Variants in AHCYL2 observed in about 807,000 individuals in gnomAD.
AHCYL2 encodes adenosylhomocysteinase like 2, also known as S-adenosylhomocysteine hydrolase-like protein 2.
Under a neutral mutation model 81.4 loss-of-function variants are expected in AHCYL2, and 28 were observed. The observed-to-expected ratio is 0.34, with a 90% CI of 0.25 to 0.47. The LOEUF is 0.47. Ranked by LOEUF, AHCYL2 falls within the 20% of genes least tolerant of loss-of-function variation. AHCYL2 has a pLI of 1.00. For missense variants in AHCYL2, 551 were observed against 785.1 expected (o/e 0.70, Z 3.56); for synonymous variants, 272 against 290.2 (o/e 0.94, Z 0.64).
intron 1 of AHCYL2, among the ~76,000 whole-genome samples, chr7:129,269,223 A>G (rs1054638845): frequency 1.3e-5 from 2 of 150,720 alleles, no homozygotes; most frequent in Non-Finnish European, 2.9e-5. Flanking sequence ...CCCAGGCTCA[A>G]GCCATCCTCC....
intron 1 of AHCYL2, among the ~76,000 whole-genome samples, chr7:129,248,012 A>G (rs1584702223): frequency 6.6e-6 from 1 of 152,164 alleles, no homozygotes; most frequent in East Asian, 1.9e-4. Context: ...TTTTGCATTT[A>G]GATTTTTGGG....
intron 1 of AHCYL2, among the ~76,000 whole-genome samples, chr7:129,314,166 T>A (rs1237253849): frequency 6.6e-6 from 1 of 152,164 alleles, no homozygotes; most frequent in Non-Finnish European, 1.5e-5. Flanking sequence ...CACCTTCAAG[T>A]CATCCCTTCT....
intron 1 of AHCYL2, among the ~76,000 whole-genome samples, chr7:129,283,881 C>T (rs898665079): frequency 1.3e-5 from 2 of 151,988 alleles, no homozygotes; most frequent in African/African-American, 4.8e-5. Flanking sequence ...GGGAAGAAAC[C>T]CACCCAGGAA....
At chr7:129,389,419 A>G (rs1248276532) in intron 3 of AHCYL2, among the ~76,000 whole-genome samples, 1 of 151,710 alleles carries the variant, frequency 6.6e-6, no homozygotes, top group African/African-American at 2.4e-5. Context: ...GAGACTGGAT[A>G]AGGACTGGAA....
At chr7:129,276,240 T>C (rs1337903262) in intron 1 of AHCYL2, among the ~76,000 whole-genome samples, 1 of 152,010 alleles carries the variant, frequency 6.6e-6, no homozygotes, top group East Asian at 1.9e-4. Context: ...GAGGGAAATT[T>C]ATATCATCAC....
At chr7:129,312,031 C>G (rs1296428784) in intron 1 of AHCYL2, among the ~76,000 whole-genome samples, 2 of 152,152 alleles carry the variant, frequency 1.3e-5, no homozygotes, top group Non-Finnish European at 2.9e-5. Flanking sequence ...GTCATTGCCC[C>G]AGGCTGGAGT....
In AHCYL2 at chr7:129,410,086, C is replaced by T. The variant is rs542251872; in HGVS notation, c.1366+540C>T. 109 of 1,389,114 alleles carry T rather than the reference C, an allele frequency of 7.8e-5. No individual in the cohort carries two copies. The East Asian group carries it at 1.3e-3, about 16-fold the overall frequency. The allele number at this position is 1,389,114 out of a possible 1,614,324, so 86.0% of individuals were successfully genotyped here. A position where few individuals can be genotyped will look rare whatever the true frequency, so the allele number is the denominator to read the frequency against. On this transcript the variant is annotated intron_variant, in intron 11 of 16. Coordinates refer to ENST00000325006, the MANE Select transcript of AHCYL2 (RefSeq NM_015328.4). ...CTGCCATCATTTTATTCCATTCCAG[C>T]GCTCTGGCATGCAAGATAATCCATC...
chr7:129,368,498 G>A lies in AHCYL2; in HGVS notation c.364-11140G>A. On this transcript the variant is annotated intron_variant, in intron 1 of 16. Transcript: ENST00000325006. The surrounding 1 kb of genome is among the most constrained non-coding windows in gnomAD (Gnocchi z 4.4). ...ATATCTTACCCAAGCCTGCACTATG[G>A]AGAAGTGGGACGGTAATGAGGGCAC... 4 of 1,614,028 alleles carry A rather than the reference G, an allele frequency of 2.5e-6. No homozygotes were observed. Among genetic ancestry groups the A allele is most frequent in the Non-Finnish European group, 2.5e-6 (3 of 1,179,896 alleles).
intron 11 of AHCYL2, 40 bp from the exon 12 acceptor site, chr7:129,413,554 C>A: frequency 6.9e-7 from 1 of 1,458,976 alleles, no homozygotes; most frequent in Non-Finnish European, 9.6e-7. Flanking sequence ...TGTGGATTAT[C>A]TTTCTCCACT....
At position 129,405,912 on chromosome 7, in the gene AHCYL2, C is replaced by CT; in HGVS notation, c.1206+17dup. 6.2e-7 allele frequency: 1 copy of CT among 1,610,076 alleles called. No homozygotes were observed. The highest frequency in any genetic ancestry group is 2.2e-5 in the East Asian group (1 of 44,786). ...TGGCTATGGAGAGGTGAAGTTTAAC[C>CT]TTTTGTTTATTAGGTGTTTTAAATG... On this transcript the variant is annotated intron_variant, in intron 9 of 16. Transcript: ENST00000325006.
chr7:129,396,717 G>A (rs1388375420), intron 4 of AHCYL2, among the ~76,000 whole-genome samples: 1 of 152,000 alleles, frequency 6.6e-6, no homozygotes, highest in Non-Finnish European at 1.5e-5. Flanking sequence ...CACCGTTCCT[G>A]GCCGTGTGTT....
At chr7:129,386,074 C>G (rs1795187153) in intron 2 of AHCYL2, among the ~76,000 whole-genome samples, 1 of 152,132 alleles carries the variant, frequency 6.6e-6, no homozygotes, top group South Asian at 2.1e-4. Flanking sequence ...AATATATTCT[C>G]TTGGTCTGGA....
chr7:129,311,061 TCA>T (rs1357671653), intron 1 of AHCYL2, among the ~76,000 whole-genome samples: 1 of 148,264 alleles, frequency 6.7e-6, no homozygotes, highest in Non-Finnish European at 1.5e-5. Context: ...TGAGCCAAGA[TCA>T]CACCACTGCA....
At chr7:129,271,936 C>T (rs1451130885) in intron 1 of AHCYL2, among the ~76,000 whole-genome samples, 1 of 152,216 alleles carries the variant, frequency 6.6e-6, no homozygotes, top group Non-Finnish European at 1.5e-5. Context: ...CCACCCCCAT[C>T]TAGTGGTGGA....
chr7:129,368,078 G>T lies in AHCYL2; in HGVS notation c.364-11560G>T. On this transcript the variant is annotated intron_variant, in intron 1 of 16. Coordinates refer to ENST00000325006, the MANE Select transcript of AHCYL2 (RefSeq NM_015328.4). The surrounding 1 kb of genome is among the most constrained non-coding windows in gnomAD (Gnocchi z 4.4). ...TTGGTATCCGCACCTCCAGTGACGT[G>T]TCCTGAAGGGTGGGAGAGAATTCAC... The T allele has an allele frequency of 1.0e-6, 1 of 996,246 alleles. No individual in the cohort carries two copies. The highest frequency in any genetic ancestry group is 1.2e-6 in the Non-Finnish European group (1 of 835,684). 61.7% of individuals were successfully genotyped at this position (996,246 alleles called of 1,614,324 possible). A position where few individuals can be genotyped will look rare whatever the true frequency, so the allele number is the denominator to read the frequency against.
intron 4 of AHCYL2, among the ~76,000 whole-genome samples, chr7:129,396,323 C>T (rs1795739531): frequency 6.6e-6 from 1 of 151,886 alleles, no homozygotes; most frequent in Admixed American, 6.6e-5. Context: ...GATGGGGTTT[C>T]ACCGTGTTAG....
intron 1 of AHCYL2, among the ~76,000 whole-genome samples, chr7:129,246,449 C>T (rs531372215): frequency 6.6e-6 from 1 of 152,266 alleles, no homozygotes; most frequent in Admixed American, 6.5e-5. Flanking sequence ...TGTGGTCAGT[C>T]CCTGATCCCA....
chr7:129,330,045 C>T (rs879882538), intron 1 of AHCYL2, among the ~76,000 whole-genome samples: 4 of 152,104 alleles, frequency 2.6e-5, no homozygotes, highest in Admixed American at 2.6e-4. Flanking sequence ...TCTGTTGTTG[C>T]CGAGGCTGGA....
At chr7:129,233,913 G>A (rs971413115) in intron 1 of AHCYL2, among the ~76,000 whole-genome samples, 4 of 152,104 alleles carry the variant, frequency 2.6e-5, no homozygotes, top group South Asian at 2.1e-4. Flanking sequence ...AAACCTATGT[G>A]CATCTGGGAC....
Sources: allele counts gnomAD v4.1 joint callset (sites outside exome capture counted in the v4.1 genomes callset), GRCh38; gene constraint gnomAD v4.1.1; non-coding constraint Gnocchi (gnomAD v3.1); transcripts MANE v1.5; gene names NCBI Gene and HGNC (gene_info 2026-07-23, HGNC 2026-07-21).